CYRIB: variants seen among roughly 807,000 people sequenced by gnomAD.
CYRIB encodes CYFIP related Rac1 interactor B, also known as CYFIP-related Rac1 interactor B.
A neutral mutation model predicts 44.2 loss-of-function variants in CYRIB; 8 were observed. The observed-to-expected ratio is 0.18, with a 90% confidence interval of 0.11 to 0.33. The LOEUF is 0.33. Among genes scored for constraint, CYRIB ranks in the 10% least tolerant of loss-of-function variants. The pLI is 1.00. For missense variants in CYRIB, 185 were observed against 382.8 expected, an observed-to-expected ratio of 0.48 and a Z score of 4.31; for synonymous variants, 131 against 127.2, an observed-to-expected ratio of 1.03 and a Z score of -0.20.
At chr8:129,844,812 CAT>C (rs1219556391) in intron 11 of CYRIB, among the ~76,000 whole-genome samples, 1 of 152,194 alleles carries the variant, frequency 6.6e-6, no homozygotes, top group Non-Finnish European at 1.5e-5. Context: ...GCTTTCTAAA[CAT>C]GTGCTCTCAG....
chr8:130,011,217 A>G (rs1380233645), intron 1 of CYRIB, among the ~76,000 whole-genome samples: 1 of 152,166 alleles, frequency 6.6e-6, no homozygotes, highest in African/African-American at 2.4e-5. Flanking sequence ...GAAGCCCAGG[A>G]AGCTTTCAAG....
chr8:129,860,195 G>A (rs2048620068), intron 5 of CYRIB, among the ~76,000 whole-genome samples: 2 of 152,168 alleles, frequency 1.3e-5, no homozygotes, highest in Non-Finnish European at 2.9e-5. Flanking sequence ...CCACGAGACC[G>A]ATTAATTCCC....
At chr8:129,969,661 C>A (rs10956504) in intron 2 of CYRIB, among the ~76,000 whole-genome samples, 43,894 of 151,886 alleles carry the variant, frequency 0.29, 7,038 homozygotes, top group African/African-American at 0.42. Context: ...GCCAGTCTTT[C>A]CTTCAGCACT....
upstream of CYRIB, among the ~76,000 whole-genome samples, chr8:129,944,760 G>A (rs892111532): frequency 6.6e-6 from 1 of 151,522 alleles, no homozygotes; most frequent in East Asian, 1.9e-4. Context: ...TCCAGCCTGG[G>A]CAACGCAGTA....
At chr8:129,971,577 A>T (rs887508423) in intron 1 of CYRIB, among the ~76,000 whole-genome samples, 1 of 152,252 alleles carries the variant, frequency 6.6e-6, no homozygotes, top group African/African-American at 2.4e-5. Flanking sequence ...ACTGAAGGAC[A>T]GTTTGGCTGG....
chr8:129,889,623 G>A (rs541212837), intron 2 of CYRIB, among the ~76,000 whole-genome samples: 47 of 152,210 alleles, frequency 3.1e-4, no homozygotes, highest in African/African-American at 1.1e-3. Context: ...TGTGAGGGGG[G>A]TTCAAGACTT....
chr8:129,993,877 A>G (rs1433437343), intron 1 of CYRIB, among the ~76,000 whole-genome samples: 1 of 149,876 alleles, frequency 6.7e-6, no homozygotes. Flanking sequence ...AAAAAAAAGG[A>G]GTCCTTGTGC....
chr8:129,860,119 C>T (rs1179170064), intron 5 of CYRIB, among the ~76,000 whole-genome samples: 1 of 152,180 alleles, frequency 6.6e-6, no homozygotes, highest in Admixed American at 6.5e-5. Context: ...TCATGTGTGT[C>T]TTCATAGTTG....
chr8:129,964,719 T>C (rs373472744), intron 2 of CYRIB, among the ~76,000 whole-genome samples: 7 of 152,190 alleles, frequency 4.6e-5, no homozygotes, highest in East Asian at 1.9e-4. Context: ...CCCCTGTCTC[T>C]ACAAAATGAA....
chr8:129,951,801 C>T (rs557113874), intron 2 of CYRIB, among the ~76,000 whole-genome samples: 192 of 152,066 alleles, frequency 1.3e-3, no homozygotes, highest in African/African-American at 4.2e-3. Context: ...GTTTCCATAA[C>T]ATTTGTCACC....
intron 1 of CYRIB, among the ~76,000 whole-genome samples, chr8:129,987,272 T>C (rs562944039): frequency 5.3e-5 from 8 of 152,288 alleles, no homozygotes; most frequent in African/African-American, 1.7e-4. Context: ...CAATAAATGA[T>C]CTTTTCTAGA....
chr8:129,873,422 C>G lies in CYRIB; in HGVS notation c.74-1926G>C, dbSNP rs2058055123. The stretch of plus-strand genomic sequence containing the variant: ...AGACCATATTTTCCAATGTAATAGT[C>G]AGACATACACTCTTTTTAAAAAAGC... On this transcript the variant is annotated intron_variant, in intron 3 of 11. Coordinates refer to ENST00000519824, the Ensembl canonical transcript of CYRIB. Among the ~76,000 whole-genome samples the G allele has an allele frequency of 4.6e-5, 7 of 152,008 alleles. No individual in the cohort carries two copies. In the South Asian group the frequency reaches 1.5e-3, roughly 32 times the overall value.
chr8:129,975,177 C>T (rs1335048393), intron 1 of CYRIB, among the ~76,000 whole-genome samples: 1 of 151,226 alleles, frequency 6.6e-6, no homozygotes, highest in African/African-American at 2.4e-5. Context: ...CTGCGCCTGA[C>T]CTAATTTTTT....
At chr8:129,944,188 C>G (rs1266940586), upstream of CYRIB, among the ~76,000 whole-genome samples, 2 of 152,112 alleles carry the variant, frequency 1.3e-5, no homozygotes, top group Non-Finnish European at 2.9e-5. Context: ...CCAATATGGA[C>G]TACAGTGGTA....
chr8:129,990,551 G>C (rs1341636687), intron 1 of CYRIB, among the ~76,000 whole-genome samples: 3 of 151,336 alleles, frequency 2.0e-5, no homozygotes, highest in African/African-American at 7.3e-5. Flanking sequence ...CCCAAGACAG[G>C]GTTTCACTCT....
Position 129,862,210 on chromosome 8 carries a change from T to A in CYRIB, c.301+19A>T. 1 of 1,552,126 alleles carries A rather than the reference T, an allele frequency of 6.4e-7. No individual in the cohort carries two copies. The highest frequency in any genetic ancestry group is 8.9e-7 in the Non-Finnish European group (1 of 1,126,064). Reference sequence around the variant, plus strand: ...TCTTTTTCACTAGGGAAGTCACAATTACAAAACTTTCAACTTACCTAACCT... The same window carrying A: ...TCTTTTTCACTAGGGAAGTCACAATAACAAAACTTTCAACTTACCTAACCT... On this transcript the variant is annotated intron_variant, in intron 5 of 11. Coordinates refer to ENST00000519824, the Ensembl canonical transcript of CYRIB.
At chr8:129,915,248 T>C (rs985745548) in intron 1 of CYRIB, among the ~76,000 whole-genome samples, 5 of 152,200 alleles carry the variant, frequency 3.3e-5, no homozygotes, top group African/African-American at 4.8e-5. Flanking sequence ...CAAATGTTCA[T>C]CAACAAATGA....
intron 2 of CYRIB, among the ~76,000 whole-genome samples, chr8:129,890,831 T>C (rs2065047179): frequency 6.6e-6 from 1 of 151,742 alleles, no homozygotes; most frequent in South Asian, 2.1e-4. Flanking sequence ...AGGCGGAGGC[T>C]GCAGTGAGTC....
At chr8:129,952,841 C>A (rs1025386005) in intron 2 of CYRIB, among the ~76,000 whole-genome samples, 5 of 152,172 alleles carry the variant, frequency 3.3e-5, no homozygotes, top group Admixed American at 3.3e-4. Flanking sequence ...TAATTCCAAG[C>A]TAATATCTAT....
Sources: gnomAD v4.1 joint callset for allele counts (sites outside exome capture counted in the v4.1 genomes callset) on GRCh38, gnomAD v4.1.1 for gene constraint, MANE v1.5 for transcripts, NCBI Gene and HGNC (gene_info 2026-07-23, HGNC 2026-07-21) for gene names.